The following RPL37 variants were observed in gnomAD, a reference collection of about 807,000 sequenced individuals.
The protein encoded by RPL37 is ribosomal protein L37.
RPL37 carries 1 observed loss-of-function variant against 14.8 expected under a neutral mutation model. That is an observed-to-expected ratio of 0.07 (90% CI 0.02 to 0.32). The LOEUF (loss-of-function observed/expected upper bound fraction) is 0.32, where lower values mean the gene tolerates loss of function less well. Ranked by LOEUF, RPL37 falls within the 10% of genes least tolerant of loss-of-function variation. The pLI is 1.00. For synonymous variants in RPL37, 53 were observed against 45.8 expected, an observed-to-expected ratio of 1.16 and a Z score of -0.63; for missense variants, 100 against 128.3, an observed-to-expected ratio of 0.78 and a Z score of 1.06.
At chr5:40,833,097 T>C (rs1745678051) in intron 3 of RPL37, among the ~76,000 whole-genome samples, 2 of 152,216 alleles carry the variant, frequency 1.3e-5, no homozygotes, top group Admixed American at 6.5e-5. Flanking sequence ...ACTCCTATAT[T>C]GTACTAACAG....
intron 1 of RPL37, 74 bp downstream of exon 1, chr5:40,835,109 C>G (rs1745736905): frequency 1.2e-6 from 2 of 1,604,352 alleles, no homozygotes; most frequent in African/African-American, 1.3e-5. Context: ...TGCCAGCCCC[C>G]CAAGCACAGC....
Position 40,832,235 on chromosome 5 carries a change from C to T in RPL37, c.*269G>A. On this transcript the variant is annotated 3_prime_UTR_variant, in exon 4 of 4. Transcript: ENST00000274242. The stretch of plus-strand genomic sequence containing the variant: ...ACATGAGCTGTGCTATTTTAATCTG[C>T]TATATTGTCTTCCAGTGCCCTCTGC... 2.2e-6 allele frequency: 1 copy of T among 446,308 alleles called. No homozygotes were observed. Among genetic ancestry groups the T allele is most frequent in the Non-Finnish European group, 4.2e-6 (1 of 237,822 alleles). 27.6% of individuals were successfully genotyped at this position (446,308 alleles called of 1,614,324 possible).
At position 40,826,142 on chromosome 5, in the gene RPL37, TCAG is replaced by T. The variant is rs926359173; in HGVS notation, c.*6359_*6361del. On this transcript the variant is annotated 3_prime_UTR_variant, in exon 4 of 4. Coordinates refer to ENST00000274242, the MANE Select transcript of RPL37 (RefSeq NM_000997.5). ...ACTAATTTTATTCATATAACACTCC[TCAG>T]GAGTTCAAATAATTTTAATCATTTT... 47 of 152,204 alleles carry T rather than the reference TCAG, an allele frequency of 3.1e-4. 1 individual carries two copies. Among genetic ancestry groups the T allele is most frequent in the African/African-American group, 1.1e-3 (47 of 41,448 alleles). The allele number at this position is 152,204 out of a possible 1,614,324, so 9.4% of individuals were successfully genotyped here. A position where few individuals can be genotyped will look rare whatever the true frequency, so the allele number is the denominator to read the frequency against.
At chr5:40,833,531 G>C (rs1475795992) in intron 3 of RPL37, among the ~76,000 whole-genome samples, 1 of 152,168 alleles carries the variant, frequency 6.6e-6, no homozygotes, top group Non-Finnish European at 1.5e-5. Context: ...CAAGACTTGA[G>C]TAACAAGAGC....
chr5:40,826,897 C>T lies in RPL37; in HGVS notation c.*5607G>A, dbSNP rs1413824955. The T allele has an allele frequency of 6.6e-6, 1 of 152,294 alleles. No homozygotes were observed. Among genetic ancestry groups the T allele is most frequent in the Non-Finnish European group, 1.5e-5 (1 of 68,128 alleles). 9.4% of individuals were successfully genotyped at this position (152,294 alleles called of 1,614,324 possible). On this transcript the variant is annotated 3_prime_UTR_variant, in exon 4 of 4. Coordinates refer to ENST00000274242, the MANE Select transcript of RPL37 (RefSeq NM_000997.5). Reference sequence around the variant, plus strand: ...GGCTCAAGCAATCCTTCCACCTCAGCTCCCTGAGTAGCTGGGACTACAGGC... The same window carrying T: ...GGCTCAAGCAATCCTTCCACCTCAGTTCCCTGAGTAGCTGGGACTACAGGC...
Position 40,827,044 on chromosome 5 carries a change from G to C in RPL37, c.*5460C>G, listed in dbSNP as rs1284554722. On this transcript the variant is annotated 3_prime_UTR_variant, in exon 4 of 4. Transcript: ENST00000274242. ...ATGGCACCTCTGAGCCTCCCAAAGT[G>C]CTGGGATGACAAGCATGAACCTCCG... is the stretch of plus-strand genomic sequence containing the variant. 6.6e-6 allele frequency: 1 copy of C among 152,408 alleles called. No homozygotes were observed. The highest frequency in any genetic ancestry group is 1.9e-4 in the East Asian group (1 of 5,190). 9.4% of individuals were successfully genotyped at this position (152,408 alleles called of 1,614,324 possible). A position where few individuals can be genotyped will look rare whatever the true frequency, so the allele number is the denominator to read the frequency against.
At position 40,832,289 on chromosome 5, in the gene RPL37, T is replaced by G; in HGVS notation, c.*215A>C. On this transcript the variant is annotated 3_prime_UTR_variant, in exon 4 of 4. Coordinates refer to ENST00000274242, the MANE Select transcript of RPL37 (RefSeq NM_000997.5). ...AAGGACTCCTGGAATTCTGCTTGTT[T>G]CTCATTGCCTTTAACCGTGTTACAA... 7.2e-6 allele frequency: 4 copies of G among 553,190 alleles called. No homozygotes were observed. The South Asian group carries it at 7.9e-5, about 11-fold the overall frequency. The allele number at this position is 553,190 out of a possible 1,614,324, so 34.3% of individuals were successfully genotyped here.
At position 40,834,847 on chromosome 5, in the gene RPL37, A is replaced by T. The variant is rs532877828; in HGVS notation, c.4-241T>A. On this transcript the variant is annotated intron_variant, in intron 1 of 3. Transcript: ENST00000274242. ...TTATCTTTACAGACTCCGGCCAGAGAGCATCACCAATGAATTATTTCATTG... is the reference window on the plus strand; with the variant it reads ...TTATCTTTACAGACTCCGGCCAGAGTGCATCACCAATGAATTATTTCATTG... Among the ~76,000 whole-genome samples, 3 of 152,318 alleles carry T rather than the reference A, an allele frequency of 2.0e-5. No homozygotes were observed. In the South Asian group the frequency reaches 6.2e-4, roughly 32 times the overall value.
In RPL37 at chr5:40,830,244, T is replaced by G. The variant is rs948994915; in HGVS notation, c.*2260A>C. The stretch of plus-strand genomic sequence containing the variant: ...AAAAGCATAATTTCTGCTGAAAAAT[T>G]TAAAGTATAATGGGTATCTATACAT... On this transcript the variant is annotated 3_prime_UTR_variant, in exon 4 of 4. Coordinates refer to ENST00000274242, the MANE Select transcript of RPL37 (RefSeq NM_000997.5). The G allele has an allele frequency of 2.0e-5, 3 of 152,026 alleles. No individual in the cohort carries two copies. Among genetic ancestry groups the G allele is most frequent in the Non-Finnish European group, 2.9e-5 (2 of 67,996 alleles). The allele number at this position is 152,026 out of a possible 1,614,324, so 9.4% of individuals were successfully genotyped here. A position where few individuals can be genotyped will look rare whatever the true frequency, so the allele number is the denominator to read the frequency against.
Position 40,832,564 on chromosome 5 carries a change from G to T in RPL37, c.234C>A (p.Phe78Leu), listed in dbSNP as rs1316188228. ...KIVYRRFRHG[F>L]REGTTPKPKR... is the part of the protein sequence containing the mutation. ...TGGGTTTAGGTGTTGTTCCTTCACG[G>T]AATCCATGCCTGCAGGATGTCAAAA... Residue 78 changes from phenylalanine to leucine, a missense_variant, in exon 4 of 4, where the codon TTC (phenylalanine) becomes TTA (leucine). Coordinates refer to ENST00000274242, the MANE Select transcript of RPL37 (RefSeq NM_000997.5). The T allele has an allele frequency of 6.2e-7, 1 of 1,613,812 alleles. No individual in the cohort carries two copies. Among genetic ancestry groups the T allele is most frequent in the Non-Finnish European group, 8.5e-7 (1 of 1,179,754 alleles).
intron 1 of RPL37, 57 bp from the exon 2 acceptor site, chr5:40,834,663 G>A (rs1745724129): frequency 1.3e-6 from 2 of 1,529,892 alleles, no homozygotes; most frequent in African/African-American, 1.4e-5. Flanking sequence ...ATTTACTCGA[G>A]TTCTCCGGGA....
chr5:40,834,882 G>A (rs184865168), intron 1 of RPL37: 7 of 607,504 alleles, frequency 1.2e-5, no homozygotes. Context: ...GTTACACAGA[G>A]CCAAACATTC....
In RPL37 at chr5:40,835,166, C is replaced by A. The variant is rs1554036524; in HGVS notation, c.3+17G>T. On this transcript the variant is annotated intron_variant, in intron 1 of 3. Coordinates refer to ENST00000274242, the MANE Select transcript of RPL37 (RefSeq NM_000997.5). ...GAGGATGGAACGCGATTCACAAACA[C>A]CACAGTCACAACTCACCATCTCGCT... 2 of 1,614,124 alleles carry A rather than the reference C, an allele frequency of 1.2e-6. No individual in the cohort carries two copies. The highest frequency in any genetic ancestry group is 1.7e-6 in the Non-Finnish European group (2 of 1,180,024).
Position 40,828,534 on chromosome 5 carries a change from C to A in RPL37, c.*3970G>T, listed in dbSNP as rs1450401516. On this transcript the variant is annotated 3_prime_UTR_variant, in exon 4 of 4. Transcript: ENST00000274242. ...AAAGTATCTAGTGTTGTCTTTTAAA[C>A]TAAACTCCCCATTCCTCACTGCCCA... 1 of 152,190 alleles carries A rather than the reference C, an allele frequency of 6.6e-6. No homozygotes were observed. Among genetic ancestry groups the A allele is most frequent in the African/African-American group, 2.4e-5 (1 of 41,438 alleles). 9.4% of individuals were successfully genotyped at this position (152,190 alleles called of 1,614,324 possible). A position where few individuals can be genotyped will look rare whatever the true frequency, so the allele number is the denominator to read the frequency against.
intron 3 of RPL37, 124 bp from the exon 4 acceptor site, chr5:40,832,697 A>C: frequency 1.3e-6 from 1 of 789,352 alleles, no homozygotes; most frequent in Non-Finnish European, 2.3e-6. Context: ...CTGCATTCAT[A>C]TGTTCAGACA....
chr5:40,826,540 G>GA lies in RPL37; in HGVS notation c.*5963dup, dbSNP rs1484575908. 3.9e-5 allele frequency: 6 copies of GA among 152,096 alleles called. No individual in the cohort carries two copies. The highest frequency in any genetic ancestry group is 1.4e-4 in the African/African-American group (6 of 41,426). 9.4% of individuals were successfully genotyped at this position (152,096 alleles called of 1,614,324 possible). On this transcript the variant is annotated 3_prime_UTR_variant, in exon 4 of 4. Transcript: ENST00000274242. The stretch of plus-strand genomic sequence containing the variant: ...ACTACCTTCTACTTTGAAACCCAGT[G>GA]AAAGGAACTTCAAGGAAGCCCTTCA...
chr5:40,826,179 A>G lies in RPL37; in HGVS notation c.*6325T>C, dbSNP rs1203126839. On this transcript the variant is annotated 3_prime_UTR_variant, in exon 4 of 4. Transcript: ENST00000274242. ...ATAATTTTAATCATTTTTAAGGCAA[A>G]GAAAATACTTTTTACATTTGCTAGA... 6.6e-6 allele frequency: 1 copy of G among 152,208 alleles called. No individual in the cohort carries two copies. The highest frequency in any genetic ancestry group is 2.4e-5 in the African/African-American group (1 of 41,456). 9.4% of individuals were successfully genotyped at this position (152,208 alleles called of 1,614,324 possible). A position where few individuals can be genotyped will look rare whatever the true frequency, so the allele number is the denominator to read the frequency against.
chr5:40,832,914 C>A lies in RPL37; in HGVS notation c.225-341G>T, dbSNP rs185795402. Among the ~76,000 whole-genome samples, 571 of 152,362 alleles carry A rather than the reference C, an allele frequency of 3.7e-3. 3 individuals are homozygous for A. The highest frequency in any genetic ancestry group is 7.4e-3 in the Admixed American group (113 of 15,302). On this transcript the variant is annotated intron_variant, in intron 3 of 3. Transcript: ENST00000274242. ...TCCCTATACTGAGAATAGATCCCAA[C>A]TACTTTCACTAAGCAAGGAAAAAAC...
chr5:40,827,377 TAAAGCACACCCAA>T lies in RPL37; in HGVS notation c.*5114_*5126del, dbSNP rs1745540591. ...TGCCCTCCACTGCCAGCTTGCAGTT[TAAAGCACACCCAA>T]GCTATAATTAAGATTACCTTCTGAC... On this transcript the variant is annotated 3_prime_UTR_variant, in exon 4 of 4. Coordinates refer to ENST00000274242, the MANE Select transcript of RPL37 (RefSeq NM_000997.5). The T allele has an allele frequency of 6.6e-6, 1 of 152,216 alleles. No individual in the cohort carries two copies. The highest frequency in any genetic ancestry group is 1.5e-5 in the Non-Finnish European group (1 of 68,044). The allele number at this position is 152,216 out of a possible 1,614,324, so 9.4% of individuals were successfully genotyped here.
Sources: allele counts gnomAD v4.1 joint callset (sites outside exome capture counted in the v4.1 genomes callset), GRCh38; gene constraint gnomAD v4.1.1; transcripts MANE v1.5; gene names NCBI Gene and HGNC (gene_info 2026-07-23, HGNC 2026-07-21).